Variants in SPOCK1 observed in about 807,000 individuals in gnomAD.
SPOCK1 encodes the protein testican-1.
SPOCK1 carries 23 observed loss-of-function variants against 55.3 expected under a neutral mutation model. The observed-to-expected ratio is 0.42, with a 90% CI of 0.30 to 0.59. SPOCK1 has a LOEUF of 0.59. SPOCK1 is among the 20% of genes least tolerant of loss of function. SPOCK1 has a pLI of 0.22. For synonymous variants in SPOCK1, 226 were observed against 221.0 expected (o/e 1.02, Z -0.20); for missense variants, 499 against 552.5 (o/e 0.90, Z 0.97).
chr5:137,024,318 G>GGGGA (rs1554093481), intron 6 of SPOCK1, among the ~76,000 whole-genome samples: 2 of 148,714 alleles, frequency 1.3e-5, no homozygotes, highest in African/African-American at 5.0e-5. Flanking sequence ...GTTTGAAGGG[G>GGGGA]GGGGGGTAGT....
intron 5 of SPOCK1, among the ~76,000 whole-genome samples, chr5:137,068,516 G>A (rs764662953): frequency 2.0e-5 from 3 of 152,102 alleles, no homozygotes; most frequent in African/African-American, 4.8e-5. Flanking sequence ...CAGTAGCAAT[G>A]GTAATATTTT....
intron 3 of SPOCK1, among the ~76,000 whole-genome samples, chr5:137,167,054 A>G (rs946957879): frequency 3.3e-5 from 5 of 152,036 alleles, no homozygotes; most frequent in Admixed American, 2.0e-4. Context: ...ACACTGAAAG[A>G]TCTGTTGCCT....
intron 3 of SPOCK1, among the ~76,000 whole-genome samples, chr5:137,194,503 G>A (rs891495247): frequency 6.6e-6 from 1 of 152,128 alleles, no homozygotes; most frequent in Admixed American, 6.5e-5. Flanking sequence ...GAGGGTGGGG[G>A]GCCAGGCAAG....
intron 2 of SPOCK1, among the ~76,000 whole-genome samples, chr5:137,483,843 C>T (rs1244572933): frequency 6.6e-6 from 1 of 152,188 alleles, no homozygotes; most frequent in Non-Finnish European, 1.5e-5. Flanking sequence ...AGAGAACTCC[C>T]AAAGAGCTGA....
chr5:137,107,670 G>A (rs553601346), intron 5 of SPOCK1, among the ~76,000 whole-genome samples: 3 of 152,288 alleles, frequency 2.0e-5, no homozygotes, highest in African/African-American at 7.2e-5. Flanking sequence ...GCCTGCTGTA[G>A]ACAAAGACTC....
chr5:137,036,822 C>T (rs541855159), intron 6 of SPOCK1, among the ~76,000 whole-genome samples: 31 of 152,262 alleles, frequency 2.0e-4, no homozygotes, highest in Non-Finnish European at 4.6e-4. Context: ...ACTTACTTAG[C>T]AAGACATTTA....
rs777171327 is a variant in SPOCK1, at chr5:137,267,014, G to A, written c.228C>T (p.Asp76=). ...FRNWNPNKPF[D]QALDPSKDPC... ...AAGAAATATTGCATCCATTACCTTG[G>A]TCAAAGGGCTTGTTGGGATTCCAGT... The change falls in exon 3 of 11, where the codon GAC becomes GAT. Residue 76 remains aspartate (D), a synonymous_variant. Coordinates refer to ENST00000394945, the MANE Select transcript of SPOCK1 (RefSeq NM_004598.4). The A allele has an allele frequency of 6.2e-7, 1 of 1,612,512 alleles. No homozygotes were observed. The highest frequency in any genetic ancestry group is 8.5e-7 in the Non-Finnish European group (1 of 1,178,668).
At chr5:137,021,028 C>T (rs1462629611) in intron 6 of SPOCK1, among the ~76,000 whole-genome samples, 1 of 152,018 alleles carries the variant, frequency 6.6e-6, no homozygotes, top group South Asian at 2.1e-4. Context: ...TTTATTATTC[C>T]TCAATAATTT....
chr5:137,254,457 A>C (rs2961627), intron 3 of SPOCK1, among the ~76,000 whole-genome samples: 1 of 152,106 alleles, frequency 6.6e-6, no homozygotes, highest in Non-Finnish European at 1.5e-5. Flanking sequence ...GATAGCTATC[A>C]TACTAATCAT....
At chr5:137,235,560 C>T (rs998738377) in intron 3 of SPOCK1, among the ~76,000 whole-genome samples, 7 of 152,150 alleles carry the variant, frequency 4.6e-5, no homozygotes, top group Non-Finnish European at 7.3e-5. Context: ...AAGATGCCTA[C>T]GTTTGGAGGT....
chr5:137,440,089 G>GAA (rs147961043), intron 2 of SPOCK1, among the ~76,000 whole-genome samples: 2 of 151,898 alleles, frequency 1.3e-5, no homozygotes, highest in Non-Finnish European at 2.9e-5. Context: ...CAGGGAGGGG[G>GAA]AAAAATCTTT....
intron 6 of SPOCK1, among the ~76,000 whole-genome samples, chr5:137,064,932 A>G (rs2127004844): frequency 6.6e-6 from 1 of 152,344 alleles, no homozygotes; most frequent in Non-Finnish European, 1.5e-5. Context: ...GATCAAATCC[A>G]TATTAGATAG....
intron 6 of SPOCK1, among the ~76,000 whole-genome samples, chr5:137,066,300 G>A (rs2127005542): frequency 6.6e-6 from 1 of 152,202 alleles, no homozygotes; most frequent in South Asian, 2.1e-4. Context: ...CACCACACCT[G>A]ACTGATTTTT....
intron 6 of SPOCK1, among the ~76,000 whole-genome samples, chr5:136,999,502 A>G (rs1751108224): frequency 6.6e-6 from 1 of 152,144 alleles, no homozygotes; most frequent in South Asian, 2.1e-4. Context: ...AGGAGCTAGG[A>G]AATCCAAGCG....
chr5:137,492,870 C>CT (rs1240717266), intron 2 of SPOCK1, among the ~76,000 whole-genome samples: 1 of 152,194 alleles, frequency 6.6e-6, no homozygotes. Context: ...TTGTTTACCT[C>CT]TACACAGTGT....
intron 3 of SPOCK1, among the ~76,000 whole-genome samples, chr5:137,201,367 A>C (rs1213739799): frequency 6.6e-6 from 1 of 152,198 alleles, no homozygotes; most frequent in East Asian, 1.9e-4. Context: ...CCCAAAGACC[A>C]TTCAGTCAAT....
intron 2 of SPOCK1, among the ~76,000 whole-genome samples, chr5:137,380,408 C>T (rs1751437915): frequency 6.6e-6 from 1 of 152,170 alleles, no homozygotes; most frequent in African/African-American, 2.4e-5. Flanking sequence ...TGAGTGTGAG[C>T]TTCTGAAAAA....
At chr5:137,202,650 T>C (rs1755447568) in intron 3 of SPOCK1, among the ~76,000 whole-genome samples, 1 of 152,228 alleles carries the variant, frequency 6.6e-6, no homozygotes. Context: ...TGTAAATGAA[T>C]TAGTTAGGTG....
chr5:136,996,772 C>T (rs13183887), intron 6 of SPOCK1, among the ~76,000 whole-genome samples: 23,015 of 151,994 alleles, frequency 0.15, 2,004 homozygotes, highest in African/African-American at 0.22. Flanking sequence ...TAGCCAATCA[C>T]AGGGAGGATT....
Sources: allele counts gnomAD v4.1 joint callset (sites outside exome capture counted in the v4.1 genomes callset), GRCh38; gene constraint gnomAD v4.1.1; transcripts MANE v1.5; gene names NCBI Gene and HGNC (gene_info 2026-07-23, HGNC 2026-07-21).